CLCN5: variants seen among roughly 807,000 people sequenced by gnomAD.
CLCN5 encodes Cl-/H+ antiporter 5.
Under a neutral mutation model 54.0 loss-of-function variants are expected in CLCN5, and 17 were observed. The ratio of observed to expected loss-of-function variants is 0.31; its 90% CI spans 0.22 to 0.47. The LOEUF (loss-of-function observed/expected upper bound fraction) is 0.47, where lower values mean the gene tolerates loss of function less well. Ranked by LOEUF, CLCN5 falls within the 20% of genes least tolerant of loss-of-function variation. The probability of loss-of-function intolerance (pLI) is 1.00; values close to 1 mark genes in which losing one functional copy is unlikely to be tolerated. For synonymous variants in CLCN5, 222 were observed against 233.0 expected (o/e 0.95, Z 0.43); for missense variants, 448 against 646.7 (o/e 0.69, Z 3.33).
At chrX:49,983,424 A>T (rs1928844983) in intron 3 of CLCN5, among the ~76,000 whole-genome samples, 1 of 110,388 alleles carries the variant, frequency 9.1e-6, no homozygotes, top group Non-Finnish European at 1.9e-5. Context: ...TATACAAACC[A>T]TCTGCTTCTA....
chrX:49,955,344 C>CAT (rs1282681560), intron 3 of CLCN5, among the ~76,000 whole-genome samples: 1 of 110,502 alleles, frequency 9.0e-6, no homozygotes, highest in African/African-American at 3.3e-5. Context: ...TGGGAATACA[C>CAT]ATATCTGTAG....
rs1557193976 is a variant in CLCN5, at chrX:50,086,596, T to C, written c.1283T>C (p.Ile428Thr). The change falls in exon 11 of 15, where the codon ATA becomes ACA. Residue 428 changes from isoleucine to threonine, a missense_variant. Ile to Thr is a moderately conservative substitution (Grantham distance 89, BLOSUM62 -1). Transcript: ENST00000376091. ...ACCCAGTTGGGCAAGTATCCTGTTA[T>C]AGAGGTACTCGTCGTGACAGCCATC... is the stretch of plus-strand genomic sequence containing the variant. ...KTTQLGKYPV[I>T]EVLVVTAITA... is the part of the protein sequence containing the mutation. 2.5e-6 allele frequency: 3 copies of C among 1,211,279 alleles called. No individual in the cohort carries two copies. The highest frequency in any genetic ancestry group is 3.5e-5 in the South Asian group (2 of 56,945).
chrX:50,036,979 G>A (rs1932026329), intron 3 of CLCN5, among the ~76,000 whole-genome samples: 1 of 112,238 alleles, frequency 8.9e-6, no homozygotes, highest in African/African-American at 3.2e-5. Flanking sequence ...AGTGCTTTTT[G>A]TAGGTTTGTC....
chrX:49,989,040 T>A (rs1431671571), intron 3 of CLCN5, among the ~76,000 whole-genome samples: 1 of 109,571 alleles, frequency 9.1e-6, no homozygotes, highest in Non-Finnish European at 1.9e-5. Flanking sequence ...TTCCTTGAAC[T>A]CCTGCTGCTC....
chrX:50,056,054 T>G (rs1932736483), intron 4 of CLCN5, among the ~76,000 whole-genome samples: 2 of 108,547 alleles, frequency 1.8e-5, no homozygotes, highest in African/African-American at 6.7e-5. Flanking sequence ...TATATATAGA[T>G]ATATATATAT....
intron 4 of CLCN5, among the ~76,000 whole-genome samples, chrX:50,049,554 C>G (rs1932511140): frequency 8.9e-6 from 1 of 112,104 alleles, no homozygotes; most frequent in Admixed American, 9.4e-5. Flanking sequence ...ATTCCTTTTG[C>G]TTTAATCTTA....
intron 3 of CLCN5, among the ~76,000 whole-genome samples, chrX:49,943,008 T>TA (rs1168551506): frequency 4.8e-5 from 5 of 104,676 alleles, no homozygotes; most frequent in Non-Finnish European, 7.8e-5. Context: ...TGAACTAGTT[T>TA]ACAGTCCCAC....
intron 3 of CLCN5, among the ~76,000 whole-genome samples, chrX:49,975,403 T>C (rs1557176797): frequency 9.0e-6 from 1 of 111,448 alleles, no homozygotes; most frequent in East Asian, 2.8e-4. Flanking sequence ...TAAAAGTCAT[T>C]CATAGGAAAG....
chrX:50,007,397 T>TTC (rs781888075), intron 3 of CLCN5, among the ~76,000 whole-genome samples: 7,906 of 64,153 alleles, frequency 0.12, 387 homozygotes, highest in East Asian at 0.23. Flanking sequence ...CTCTCTCTCT[T>TTC]TCTCTCTCTC....
At chrX:50,032,340 T>A (rs1405051397) in intron 3 of CLCN5, among the ~76,000 whole-genome samples, 1 of 111,463 alleles carries the variant, frequency 9.0e-6, no homozygotes, top group African/African-American at 3.3e-5. Context: ...CCACCAACAG[T>A]GAAAAAGTGT....
intron 3 of CLCN5, chrX:50,014,650 A>G (rs1206203216): frequency 2.8e-6 from 1 of 353,369 alleles, no homozygotes; most frequent in Non-Finnish European, 5.7e-6. Context: ...GCTCAATGCA[A>G]TGCACCTGGG....
intron 3 of CLCN5, among the ~76,000 whole-genome samples, chrX:49,985,967 C>T (rs1243514603): frequency 9.0e-6 from 1 of 111,352 alleles, no homozygotes; most frequent in Admixed American, 9.5e-5. Flanking sequence ...TAAATTCATA[C>T]TCTAGTAAAT....
chrX:50,067,736 GAAA>G, intron 4 of CLCN5: 3 of 753,171 alleles, frequency 4.0e-6, no homozygotes, highest in Non-Finnish European at 4.7e-6. Context: ...CCTTGAGGCA[GAAA>G]AAAAGAAAAC....
At chrX:50,004,256 G>A (rs1216877619) in intron 3 of CLCN5, among the ~76,000 whole-genome samples, 1 of 112,110 alleles carries the variant, frequency 8.9e-6, no homozygotes, top group Non-Finnish European at 1.9e-5. Flanking sequence ...ATACACCAGT[G>A]ACCAAAAGAC....
intron 3 of CLCN5, among the ~76,000 whole-genome samples, chrX:50,031,829 A>G (rs1931714347): frequency 9.5e-6 from 1 of 104,832 alleles, no homozygotes; most frequent in African/African-American, 3.5e-5. Flanking sequence ...TTAACTCGTC[A>G]TTTAGCATTA....
At chrX:50,019,489 T>TTTTTA (rs1930975324) in intron 3 of CLCN5, among the ~76,000 whole-genome samples, 1 of 76,189 alleles carries the variant, frequency 1.3e-5, no homozygotes, top group African/African-American at 5.5e-5. Flanking sequence ...TTTTTTTTTT[T>TTTTTA]ATTATACTCT....
intron 3 of CLCN5, among the ~76,000 whole-genome samples, chrX:49,984,851 C>T (rs1238929872): frequency 1.3e-4 from 14 of 110,432 alleles, no homozygotes; most frequent in African/African-American, 4.3e-4. Context: ...CTCTTGGGCT[C>T]GAATATCCTC....
chrX:50,032,748 G>T (rs1292690976), intron 3 of CLCN5, among the ~76,000 whole-genome samples: 21 of 109,690 alleles, frequency 1.9e-4, no homozygotes, highest in South Asian at 3.8e-4. Context: ...GTCAATTTTG[G>T]CTTTTGTTGC....
At position 49,954,962 on chromosome X, in the gene CLCN5, C is replaced by T. The variant is rs2147295263; in HGVS notation, c.16+29648C>T. 1.8e-5 allele frequency among the ~76,000 whole-genome samples: 2 copies of T among 111,283 alleles called. 1 individual carries two copies. Among genetic ancestry groups the T allele is most frequent in the South Asian group, 7.6e-4 (2 of 2,635 alleles). On this transcript the variant is annotated intron_variant, in intron 3 of 14. Transcript: ENST00000376091. ...CTGTAATTGGTCCAGAGTCACTGGG[C>T]TGGTTAGTGGCAGAGCTGTTTCTTA... is the stretch of plus-strand genomic sequence containing the variant.
Sources: allele counts gnomAD v4.1 joint callset (sites outside exome capture counted in the v4.1 genomes callset), GRCh38; gene constraint gnomAD v4.1.1; transcripts MANE v1.5; gene names NCBI Gene and HGNC (gene_info 2026-07-23, HGNC 2026-07-21).